The following TIPIN variants were observed in gnomAD, a reference collection of about 807,000 sequenced individuals.
TIPIN encodes the protein TIMELESS interacting protein.
TIPIN carries 29 observed loss-of-function variants against 35.6 expected under a neutral mutation model. That is an observed-to-expected ratio of 0.82 (90% CI 0.61 to 1.11). TIPIN has a LOEUF of 1.11. TIPIN is among the 50% of genes most tolerant of loss of function. The pLI, the probability that TIPIN is intolerant of heterozygous loss-of-function variation, is 0.00. For missense variants in TIPIN, 296 were observed against 345.4 expected, an observed-to-expected ratio of 0.86 and a Z score of 1.13; for synonymous variants, 102 against 121.5, an observed-to-expected ratio of 0.84 and a Z score of 1.06.
At chr15:66,356,827 T>G (rs1484144694), upstream of TIPIN, 1 of 627,558 alleles carries the variant, frequency 1.6e-6, no homozygotes, top group Non-Finnish European at 2.0e-6. Context: ...CCGCCTTCGG[T>G]CCCACAATTT....
intron 5 of TIPIN, 32 bp from the exon 6 acceptor site, chr15:66,349,155 C>G: frequency 6.2e-7 from 1 of 1,604,604 alleles, no homozygotes. Context: ...TTATTTTTAC[C>G]TCTTTACCAA....
chr15:66,354,798 T>C (rs1034072445), intron 1 of TIPIN, among the ~76,000 whole-genome samples: 2 of 152,184 alleles, frequency 1.3e-5, no homozygotes, highest in African/African-American at 4.8e-5. Flanking sequence ...TATCACCTTT[T>C]CAAAAGTTTA....
chr15:66,382,994 A>G (rs2093323500), intron 1 of TIPIN: 2 of 985,412 alleles, frequency 2.0e-6, no homozygotes, highest in Non-Finnish European at 2.4e-6. Flanking sequence ...CTATTCTGCA[A>G]ACTTTAACCA....
chr15:66,354,345 C>G (rs1474146636), intron 1 of TIPIN, among the ~76,000 whole-genome samples: 1 of 152,150 alleles, frequency 6.6e-6, no homozygotes, highest in Non-Finnish European at 1.5e-5. Flanking sequence ...ATTCAGAAAC[C>G]TACAAGTCAT....
chr15:66,352,686 T>G, intron 2 of TIPIN, 129 bp downstream of exon 2: 1 of 979,160 alleles, frequency 1.0e-6, no homozygotes. Context: ...TTTCACCATG[T>G]TGGCCAGGCT....
rs1455070226 is a variant in TIPIN, at chr15:66,341,181, C to T, written c.651G>A (p.Lys217=). The T allele has an allele frequency of 6.2e-7, 1 of 1,611,950 alleles. No individual in the cohort carries two copies. The highest frequency in any genetic ancestry group is 8.5e-7 in the Non-Finnish European group (1 of 1,179,950). The change falls in exon 7 of 8, where the codon AAG becomes AAA. Residue 217 remains lysine, a synonymous_variant. Coordinates refer to ENST00000261881, the MANE Select transcript of TIPIN (RefSeq NM_017858.3). The part of the protein sequence containing the change: ...KQLALERRQA[K]LLSNSQTLGN... Reference sequence around the variant, plus strand: ...CTAGGGTCTGACTATTACTCAGCAGCTTTGCCTGCCTTCTTTCCAAGGCCA... The same window carrying T: ...CTAGGGTCTGACTATTACTCAGCAGTTTTGCCTGCCTTCTTTCCAAGGCCA...
upstream of TIPIN, among the ~76,000 whole-genome samples, chr15:66,359,505 C>T (rs1036680388): frequency 6.6e-6 from 1 of 151,870 alleles, no homozygotes; most frequent in Non-Finnish European, 1.5e-5. Flanking sequence ...CCACCATTCC[C>T]GGCTAATTTT....
At chr15:66,341,093 T>G in intron 7 of TIPIN, 57 bp downstream of exon 7, 1 of 1,516,932 alleles carries the variant, frequency 6.6e-7, no homozygotes, top group Non-Finnish European at 9.0e-7. Context: ...AAGTTAAAAT[T>G]TCTAACATGT....
At chr15:66,340,883 C>T (rs1029675617) in intron 7 of TIPIN, among the ~76,000 whole-genome samples, 4 of 152,194 alleles carry the variant, frequency 2.6e-5, no homozygotes, top group Non-Finnish European at 5.9e-5. Context: ...AGGCATGAGC[C>T]ACCACGCCTG....
chr15:66,359,930 T>A (rs2093223858), upstream of TIPIN, among the ~76,000 whole-genome samples: 1 of 152,058 alleles, frequency 6.6e-6, no homozygotes, highest in South Asian at 2.1e-4. Flanking sequence ...TTCAGTTTCC[T>A]TTTTTTATTT....
At chr15:66,369,267 T>G (rs920841956) in intron 1 of TIPIN, among the ~76,000 whole-genome samples, 6 of 152,032 alleles carry the variant, frequency 3.9e-5, no homozygotes, top group African/African-American at 1.4e-4. Flanking sequence ...TCTGGCACAT[T>G]GCACAGAAGA....
Position 66,336,851 on chromosome 15 carries a change from T to C in TIPIN, c.*107A>G. On this transcript the variant is annotated 3_prime_UTR_variant, in exon 8 of 8. Transcript: ENST00000261881. ...TTATCAGATTTTAAACAATAATCTATAACAGTTTTACTATCTAAGGATTTT... is the reference window on the plus strand; with the variant it reads ...TTATCAGATTTTAAACAATAATCTACAACAGTTTTACTATCTAAGGATTTT... 1 of 822,486 alleles carries C rather than the reference T, an allele frequency of 1.2e-6. No individual in the cohort carries two copies. Among genetic ancestry groups the C allele is most frequent in the Middle Eastern group, 3.7e-4 (1 of 2,680 alleles). 50.9% of individuals were successfully genotyped at this position (822,486 alleles called of 1,614,324 possible).
At chr15:66,346,183 A>C (rs1457802934) in intron 6 of TIPIN, among the ~76,000 whole-genome samples, 1 of 151,496 alleles carries the variant, frequency 6.6e-6, no homozygotes, top group African/African-American at 2.4e-5. Context: ...CCTGGCCTCA[A>C]GTGATCCGCC....
chr15:66,352,952 T>G lies in TIPIN; in HGVS notation c.-5A>C. 1 of 1,611,096 alleles carries G rather than the reference T, an allele frequency of 6.2e-7. No individual in the cohort carries two copies. Among genetic ancestry groups the G allele is most frequent in the Non-Finnish European group, 8.5e-7 (1 of 1,178,774 alleles). On this transcript the variant is annotated 5_prime_UTR_variant, in exon 2 of 8. Coordinates refer to ENST00000261881, the MANE Select transcript of TIPIN (RefSeq NM_017858.3). ...ATTCTCCTGTGGTTCTAGCATCTTT[T>G]CCTCTAGGGGAAAAAATTAAAGTTA...
chr15:66,353,485 G>A (rs750883475), intron 1 of TIPIN, among the ~76,000 whole-genome samples: 1 of 151,676 alleles, frequency 6.6e-6, no homozygotes, highest in African/African-American at 2.4e-5. Context: ...GCGTGGTGGC[G>A]GGCGCTTGTA....
chr15:66,339,142 A>G (rs2093067059), intron 7 of TIPIN, among the ~76,000 whole-genome samples: 1 of 54,262 alleles, frequency 1.8e-5, no homozygotes, highest in South Asian at 7.7e-4. Context: ...AAAAAAAAAA[A>G]AAAAAAAAAA....
intron 1 of TIPIN, among the ~76,000 whole-genome samples, chr15:66,367,397 C>A (rs1218988331): frequency 6.7e-6 from 1 of 148,874 alleles, no homozygotes; most frequent in African/African-American, 2.4e-5. Context: ...TTGAGCAAGT[C>A]TGTCTTTTTT....
intron 7 of TIPIN, among the ~76,000 whole-genome samples, chr15:66,339,611 C>T (rs1469988994): frequency 6.6e-6 from 1 of 152,108 alleles, no homozygotes; most frequent in Non-Finnish European, 1.5e-5. Flanking sequence ...CTCATACCTG[C>T]AATCCCAGCA....
chr15:66,378,056 AG>A (rs1483962455), intron 1 of TIPIN, among the ~76,000 whole-genome samples: 2 of 151,564 alleles, frequency 1.3e-5, no homozygotes, highest in Non-Finnish European at 2.9e-5. Context: ...CCCAGGCTGG[AG>A]TGCAGTGGTG....
Sources: gnomAD v4.1 joint callset for allele counts (sites outside exome capture counted in the v4.1 genomes callset) on GRCh38, gnomAD v4.1.1 for gene constraint, MANE v1.5 for transcripts, NCBI Gene and HGNC (gene_info 2026-07-23, HGNC 2026-07-21) for gene names.